The following IREB2 variants were observed in gnomAD, a reference collection of about 807,000 sequenced individuals.
IREB2 encodes iron-responsive element-binding protein 2.
Under a neutral mutation model 118.8 loss-of-function variants are expected in IREB2, and 39 were observed. The observed-to-expected ratio is 0.33, with a 90% CI of 0.25 to 0.43. The LOEUF is 0.43. Among genes scored for constraint, IREB2 ranks in the 20% least tolerant of loss-of-function variants. The pLI, the probability that IREB2 is intolerant of heterozygous loss-of-function variation, is 1.00. For missense variants in IREB2, 900 were observed against 1,147.3 expected (o/e 0.78, Z 3.11); for synonymous variants, 372 against 392.2 (o/e 0.95, Z 0.61).
chr15:78,466,877 A>T (rs770654042), intron 5 of IREB2, among the ~76,000 whole-genome samples: 13 of 151,996 alleles, frequency 8.6e-5, no homozygotes, highest in Non-Finnish European at 1.6e-4. Context: ...TATTTTTAAC[A>T]TTTTTTTCCT....
intron 13 of IREB2, among the ~76,000 whole-genome samples, chr15:78,486,472 A>T (rs1030440395): frequency 2.0e-5 from 3 of 152,154 alleles, no homozygotes; most frequent in Admixed American, 2.0e-4. Flanking sequence ...AGGCGTGGTG[A>T]CGCACACCCA....
intron 2 of IREB2, among the ~76,000 whole-genome samples, chr15:78,445,711 A>G (rs1194347112): frequency 1.3e-5 from 2 of 152,140 alleles, no homozygotes; most frequent in Non-Finnish European, 2.9e-5. Flanking sequence ...ACTGCTGACC[A>G]TTCTTGTATG....
In IREB2 at chr15:78,484,821, T is replaced by G. The variant is rs2051633497; in HGVS notation, c.1474T>G (p.Tyr492Asp). 1 of 1,613,454 alleles carries G rather than the reference T, an allele frequency of 6.2e-7. No homozygotes were observed. ...ACAAAAGGATATTGTCTCCATTCAT[T>G]ATGAAGGAAGTGAATATAAGCTGTC... ...EKQKDIVSIH[Y>D]EGSEYKLSHG... The change falls in exon 12 of 22, where the codon TAT becomes GAT. Residue 492 changes from tyrosine (Y) to aspartate (D), a missense_variant. Transcript: ENST00000258886.
Position 78,497,172 on chromosome 15 carries a change from A to T in IREB2, c.2642A>T (p.Asp881Val). 6.2e-7 allele frequency: 1 copy of T among 1,613,948 alleles called. No homozygotes were observed. Among genetic ancestry groups the T allele is most frequent in the Non-Finnish European group, 8.5e-7 (1 of 1,179,860 alleles). ...GAAAGTTATGAAAAAATACACAAAG[A>T]TCATTTGATTGGAATTGGCATAGCT... is the stretch of plus-strand genomic sequence containing the variant. ...LAESYEKIHK[D>V]HLIGIGIAPL... Residue 881 changes from aspartate (D) to valine (V), a missense_variant, in exon 21 of 22, where the codon GAT becomes GTT. By Grantham distance (152) the Asp-to-Val change is radical. Coordinates refer to ENST00000258886, the MANE Select transcript of IREB2 (RefSeq NM_004136.4).
In IREB2 at chr15:78,481,522, ATTTTTTT is replaced by A. The variant is rs145058390; in HGVS notation, c.1297-1786_1297-1780del. 1.0e-4 allele frequency among the ~76,000 whole-genome samples: 14 copies of A among 137,962 alleles called. No individual in the cohort carries two copies. In the East Asian group the frequency reaches 2.8e-3, roughly 27 times the overall value. 90.5% of individuals were successfully genotyped at this position (137,962 alleles called of 152,430 possible). A position where few individuals can be genotyped will look rare whatever the true frequency, so the allele number is the denominator to read the frequency against. ...AGGTGCCCGCCACCACACCTCGCTA[ATTTTTTT>A]TTTTTTTTTGTATTTTTAATAGAGA... On this transcript the variant is annotated intron_variant, in intron 10 of 21. Coordinates refer to ENST00000258886, the MANE Select transcript of IREB2 (RefSeq NM_004136.4).
intron 2 of IREB2, among the ~76,000 whole-genome samples, chr15:78,460,678 T>G (rs1200093393): frequency 2.0e-5 from 3 of 152,140 alleles, no homozygotes; most frequent in Non-Finnish European, 4.4e-5. Flanking sequence ...TTGTTAAGGG[T>G]TTGTTACTGT....
At chr15:78,476,795 A>G (rs1459585729) in intron 9 of IREB2, 2 of 152,420 alleles carry the variant, frequency 1.3e-5, no homozygotes, top group East Asian at 1.9e-4. Flanking sequence ...GCAAAAAACA[A>G]CATAGGACCA....
At chr15:78,463,870 A>G (rs1442611026) in intron 3 of IREB2, among the ~76,000 whole-genome samples, 3 of 152,166 alleles carry the variant, frequency 2.0e-5, no homozygotes, top group Admixed American at 6.5e-5. Context: ...TTGATTGTCT[A>G]TCTCAACTCA....
intron 21 of IREB2, 88 bp downstream of exon 21, chr15:78,497,399 A>G (rs1219686482): frequency 1.1e-5 from 10 of 901,914 alleles, no homozygotes; most frequent in African/African-American, 8.4e-5. Flanking sequence ...ATTATATACT[A>G]ATGTCACTTA....
chr15:78,481,035 A>G (rs1249061247), intron 10 of IREB2, among the ~76,000 whole-genome samples: 1 of 151,526 alleles, frequency 6.6e-6, no homozygotes, highest in Non-Finnish European at 1.5e-5. Context: ...TTCCCAGCAG[A>G]CCAGGTGTGG....
At chr15:78,487,589 G>A in intron 13 of IREB2, 144 bp from the exon 14 acceptor site, 1 of 556,902 alleles carries the variant, frequency 1.8e-6, no homozygotes, top group Non-Finnish European at 3.2e-6. Context: ...CTTCTGAGGT[G>A]AATATATTGA....
At chr15:78,449,453 G>C (rs1316669353) in intron 2 of IREB2, among the ~76,000 whole-genome samples, 1 of 152,212 alleles carries the variant, frequency 6.6e-6, no homozygotes, top group African/African-American at 2.4e-5. Context: ...TGTTCTGCTG[G>C]GAATTGTGTG....
intron 5 of IREB2, among the ~76,000 whole-genome samples, chr15:78,467,822 A>G (rs1780537011): frequency 6.6e-6 from 1 of 152,178 alleles, no homozygotes. Context: ...CTTAGGCTCA[A>G]GCGATCTGTC....
At chr15:78,489,814 G>A (rs1231028969) in intron 16 of IREB2, among the ~76,000 whole-genome samples, 1 of 152,226 alleles carries the variant, frequency 6.6e-6, no homozygotes, top group African/African-American at 2.4e-5. Context: ...CCTGGCCTAA[G>A]AAATGGTGAG....
intron 18 of IREB2, among the ~76,000 whole-genome samples, chr15:78,493,702 A>G (rs1365085649): frequency 2.0e-5 from 3 of 152,256 alleles, no homozygotes; most frequent in Middle Eastern, 3.4e-3. Flanking sequence ...TTTTGCTTCA[A>G]AATAATCTAA....
intron 18 of IREB2, 127 bp downstream of exon 18, chr15:78,490,888 G>T: frequency 8.0e-5 from 59 of 741,152 alleles, no homozygotes; most frequent in Non-Finnish European, 8.4e-5. Context: ...CTGCCAATGT[G>T]TTTGTCTTAA....
intron 10 of IREB2, among the ~76,000 whole-genome samples, chr15:78,482,854 T>C (rs892851710): frequency 1.3e-5 from 2 of 152,002 alleles, no homozygotes; most frequent in Non-Finnish European, 1.5e-5. Context: ...TTCACGCCAT[T>C]CCCCTGCCTC....
chr15:78,457,226 G>C (rs1409255623), intron 2 of IREB2, among the ~76,000 whole-genome samples: 1 of 151,896 alleles, frequency 6.6e-6, no homozygotes, highest in African/African-American at 2.4e-5. Context: ...TAATCTATTG[G>C]TTATTTTTTT....
intron 10 of IREB2, among the ~76,000 whole-genome samples, chr15:78,480,475 G>A (rs2051548115): frequency 6.7e-6 from 1 of 150,326 alleles, no homozygotes; most frequent in South Asian, 2.1e-4. Flanking sequence ...CTGAGGTCAG[G>A]AGTTCACGAC....
Sources: gnomAD v4.1 joint callset for allele counts (sites outside exome capture counted in the v4.1 genomes callset) on GRCh38, gnomAD v4.1.1 for gene constraint, MANE v1.5 for transcripts, NCBI Gene and HGNC (gene_info 2026-07-23, HGNC 2026-07-21) for gene names.